The following POFUT3 variants were observed in gnomAD, a reference collection of about 807,000 sequenced individuals.
POFUT3 encodes the protein protein O-fucosyltransferase 3.
At chr8:33,331,437 A>G in the POFUT3 span, among the ~76,000 whole-genome samples, 1 of 152,212 alleles carries the variant, frequency 6.6e-6, no homozygotes, top group South Asian at 2.1e-4. Context: ...AAGGTTTCAC[A>G]TAGAAGCAGA....
chr8:33,340,837 T>C, the POFUT3 span, among the ~76,000 whole-genome samples: 8 of 152,240 alleles, frequency 5.3e-5, no homozygotes, highest in South Asian at 1.0e-3. Context: ...AATATACAAT[T>C]ATGTTGAAGT....
the POFUT3 span, among the ~76,000 whole-genome samples, chr8:33,352,653 G>C: frequency 0.018 from 2,665 of 152,250 alleles, 33 homozygotes; most frequent in Non-Finnish European, 0.028. Flanking sequence ...GACAAATATG[G>C]TTGTCATGGT....
chr8:33,370,604 G>A, the POFUT3 span, among the ~76,000 whole-genome samples: 13 of 152,254 alleles, frequency 8.5e-5, no homozygotes, highest in African/African-American at 1.4e-4. Flanking sequence ...CTTCAGAAAC[G>A]CTTAGAGAGG....
the POFUT3 span, among the ~76,000 whole-genome samples, chr8:33,342,057 G>C: frequency 6.6e-6 from 1 of 152,166 alleles, no homozygotes. Context: ...GCATGTCCCT[G>C]TAGTCCCAGC....
the POFUT3 span, among the ~76,000 whole-genome samples, chr8:33,447,864 A>G: frequency 2.6e-5 from 4 of 152,180 alleles, no homozygotes; most frequent in African/African-American, 9.7e-5. Flanking sequence ...TGCAGTTTTA[A>G]TTGACCTACT....
At chr8:33,385,493 G>GT in the POFUT3 span, among the ~76,000 whole-genome samples, 1 of 152,222 alleles carries the variant, frequency 6.6e-6, no homozygotes, top group Non-Finnish European at 1.5e-5. Context: ...CATGAACACA[G>GT]TCTCAGAGGG....
the POFUT3 span, among the ~76,000 whole-genome samples, chr8:33,439,115 G>C: frequency 6.6e-6 from 1 of 152,182 alleles, no homozygotes; most frequent in Non-Finnish European, 1.5e-5. Context: ...AATAGAAACT[G>C]TGTTTTGCAG....
the POFUT3 span, among the ~76,000 whole-genome samples, chr8:33,343,666 T>C: frequency 6.6e-6 from 1 of 152,212 alleles, no homozygotes; most frequent in South Asian, 2.1e-4. Flanking sequence ...TTCAAGTCAG[T>C]GAGTTTTTTT....
At chr8:33,415,461 A>C in the POFUT3 span, among the ~76,000 whole-genome samples, 1 of 152,082 alleles carries the variant, frequency 6.6e-6, no homozygotes, top group Non-Finnish European at 1.5e-5. Context: ...ACTGACAGGG[A>C]CTATGAAGGA....
the POFUT3 span, chr8:33,389,014 A>G: frequency 1.2e-6 from 2 of 1,614,134 alleles, no homozygotes; most frequent in Non-Finnish European, 1.7e-6. Flanking sequence ...CCATACACTC[A>G]AATGCATCGA....
At chr8:33,433,337 G>A in the POFUT3 span, among the ~76,000 whole-genome samples, 9 of 151,808 alleles carry the variant, frequency 5.9e-5, no homozygotes, top group African/African-American at 1.7e-4. Context: ...GAGGCTGGGC[G>A]CAGTGGCTCA....
the POFUT3 span, among the ~76,000 whole-genome samples, chr8:33,467,900 A>G: frequency 1.3e-5 from 2 of 152,264 alleles, no homozygotes; most frequent in South Asian, 2.1e-4. Flanking sequence ...GTCTGACTGT[A>G]AAATGAGAAA....
the POFUT3 span, among the ~76,000 whole-genome samples, chr8:33,463,887 A>C: frequency 6.6e-6 from 1 of 151,958 alleles, no homozygotes; most frequent in South Asian, 2.1e-4. Context: ...TTTTCCTTCA[A>C]CCACAAAGTA....
At chr8:33,437,613 C>A in the POFUT3 span, among the ~76,000 whole-genome samples, 1 of 152,032 alleles carries the variant, frequency 6.6e-6, no homozygotes, top group African/African-American at 2.4e-5. Context: ...GAGTTTGAGA[C>A]CAGCCTGGCC....
the POFUT3 span, chr8:33,389,396 G>T: frequency 9.9e-6 from 16 of 1,614,078 alleles, no homozygotes; most frequent in African/African-American, 1.5e-4. Flanking sequence ...ATCCATAGAG[G>T]CTGGATTTTT....
chr8:33,384,639 G>C, the POFUT3 span, among the ~76,000 whole-genome samples: 1 of 151,964 alleles, frequency 6.6e-6, no homozygotes, highest in Non-Finnish European at 1.5e-5. Flanking sequence ...GACCAACATG[G>C]TGAAACCCCG....
At chr8:33,450,892 T>C in the POFUT3 span, among the ~76,000 whole-genome samples, 1 of 152,184 alleles carries the variant, frequency 6.6e-6, no homozygotes, top group South Asian at 2.1e-4. Flanking sequence ...GACTGTTTTG[T>C]AGGCTTCCTG....
the POFUT3 span, chr8:33,436,161 T>G: frequency 8.2e-7 from 1 of 1,221,924 alleles, no homozygotes. Context: ...CAAGGTAAAT[T>G]AAGGTCCACG....
the POFUT3 span, among the ~76,000 whole-genome samples, chr8:33,388,418 C>A: frequency 4.1e-5 from 6 of 145,340 alleles, no homozygotes; most frequent in East Asian, 1.3e-3. Flanking sequence ...CTCACTGCAA[C>A]CTCTGCATCC....
Sources: allele counts gnomAD v4.1 joint callset (sites outside exome capture counted in the v4.1 genomes callset), GRCh38; gene constraint gnomAD v4.1.1; transcripts MANE v1.5; gene names NCBI Gene and HGNC (gene_info 2026-07-23, HGNC 2026-07-21).